PLA2G2D: variants seen among roughly 807,000 people sequenced by gnomAD.
PLA2G2D encodes phospholipase A2 group IID, also known as group IID secretory phospholipase A2.
PLA2G2D carries 17 observed loss-of-function variants against 13.9 expected under a neutral mutation model. That is an observed-to-expected ratio of 1.23 (90% CI 0.84 to 1.84). PLA2G2D has a LOEUF of 1.84. PLA2G2D is among the 40% of genes most tolerant of loss of function. PLA2G2D has a pLI of 0.00. For missense variants in PLA2G2D, 194 were observed against 178.7 expected, an observed-to-expected ratio of 1.09 and a Z score of -0.49; for synonymous variants, 83 against 69.3, an observed-to-expected ratio of 1.20 and a Z score of -0.98.
In PLA2G2D at chr1:20,114,275, G is replaced by A. The variant is rs749634821; in HGVS notation, c.293-16C>T. The A allele has an allele frequency of 1.2e-5, 19 of 1,610,262 alleles. No homozygotes were observed. The highest frequency in any genetic ancestry group is 1.6e-5 in the Non-Finnish European group (19 of 1,177,792). On this transcript the variant is annotated splice_polypyrimidine_tract_variant and intron_variant, in intron 3 of 3. Coordinates refer to ENST00000375105, the MANE Select transcript of PLA2G2D (RefSeq NM_012400.4). ...CCCTTGTCAGCTGTGGACGGAGAAG[G>A]GGGAGCTATGTGTTTGTCCTTTTCC...
intron 2 of PLA2G2D, 71 bp downstream of exon 2, chr1:20,116,262 T>G: frequency 1.4e-6 from 2 of 1,434,380 alleles, no homozygotes; most frequent in Non-Finnish European, 2.0e-6. Context: ...AATGAACAGG[T>G]GGGTGGAGAG....
At chr1:20,115,408 A>T in intron 3 of PLA2G2D, 99 bp downstream of exon 3, 1 of 773,168 alleles carries the variant, frequency 1.3e-6, no homozygotes, top group South Asian at 1.5e-5. Context: ...CCATGCAAAA[A>T]AAAAACAGAG....
chr1:20,114,987 C>A (rs2016955633), intron 3 of PLA2G2D, among the ~76,000 whole-genome samples: 1 of 152,112 alleles, frequency 6.6e-6, no homozygotes, highest in South Asian at 2.1e-4. Flanking sequence ...GGGCCAGGTG[C>A]CCTGGGTTCC....
chr1:20,116,300 G>A, intron 2 of PLA2G2D, 33 bp downstream of exon 2: 1 of 1,608,494 alleles, frequency 6.2e-7, no homozygotes. Flanking sequence ...GTCGGGGACA[G>A]TATAGGATTG....
intron 1 of PLA2G2D, among the ~76,000 whole-genome samples, chr1:20,118,167 C>T (rs138676337): frequency 5.0e-4 from 76 of 152,274 alleles, no homozygotes; most frequent in Admixed American, 2.8e-3. Context: ...ACCAGAGCCC[C>T]GCGTTCAGAA....
At position 20,114,259 on chromosome 1, in the gene PLA2G2D, G is replaced by A; in HGVS notation, c.293C>T (p.Ser98Phe). 3 of 1,612,896 alleles carry A rather than the reference G, an allele frequency of 1.9e-6. No homozygotes were observed. Among genetic ancestry groups the A allele is most frequent in the Non-Finnish European group, 2.5e-6 (3 of 1,179,278 alleles). The change falls in exon 4 of 4, where the codon TCT (serine) becomes TTT (phenylalanine). Residue 98 changes from serine (S) to phenylalanine (F), a missense_variant and splice_region_variant. Physicochemically the swap from Ser to Phe is radical, Grantham distance 155. Transcript: ENST00000375105. The part of the protein sequence containing the change: ...YNFSQGNIHC[S>F]DKGSWCEQQL... ...CTGCTCACACCAGCTTCCCTTGTCAGCTGTGGACGGAGAAGGGGGAGCTAT... is the reference window on the plus strand; with the variant it reads ...CTGCTCACACCAGCTTCCCTTGTCAACTGTGGACGGAGAAGGGGGAGCTAT...
intron 1 of PLA2G2D, among the ~76,000 whole-genome samples, chr1:20,118,364 G>A (rs1007357540): frequency 5.9e-5 from 9 of 152,162 alleles, no homozygotes; most frequent in African/African-American, 2.2e-4. Context: ...TAATTTTAAG[G>A]TGAGGAGGAC....
At chr1:20,114,489 C>T (rs905083026) in intron 3 of PLA2G2D, among the ~76,000 whole-genome samples, 2 of 152,146 alleles carry the variant, frequency 1.3e-5, no homozygotes, top group African/African-American at 2.4e-5. Flanking sequence ...GAGCACCTAC[C>T]GTGTCACGGC....
intron 1 of PLA2G2D, among the ~76,000 whole-genome samples, chr1:20,117,496 A>G (rs1329183516): frequency 6.6e-6 from 1 of 152,230 alleles, no homozygotes; most frequent in East Asian, 1.9e-4. Flanking sequence ...TATTTCACTC[A>G]TAATAACTGC....
Position 20,113,839 on chromosome 1 carries a change from C to T in PLA2G2D, c.*275G>A. On this transcript the variant is annotated 3_prime_UTR_variant, in exon 4 of 4. Transcript: ENST00000375105. ...GTGGGGGACAGCGGCAGACCCCTCC[C>T]CCACCCCGATGCTTTGGTCCAAACA... is the stretch of plus-strand genomic sequence containing the variant. 1 of 373,232 alleles carries T rather than the reference C, an allele frequency of 2.7e-6. No homozygotes were observed. Among genetic ancestry groups the T allele is most frequent in the Non-Finnish European group, 4.8e-6 (1 of 207,008 alleles). The allele number at this position is 373,232 out of a possible 1,614,324, so 23.1% of individuals were successfully genotyped here. A position where few individuals can be genotyped will look rare whatever the true frequency, so the allele number is the denominator to read the frequency against.
chr1:20,119,357 C>T (rs1252354321), intron 1 of PLA2G2D, 102 bp downstream of exon 1: 1 of 1,042,378 alleles, frequency 9.6e-7, no homozygotes, highest in African/African-American at 1.6e-5. Context: ...GGGCCAGGCT[C>T]CTGGGGATCA....
At chr1:20,115,000 C>T (rs892016728) in intron 3 of PLA2G2D, among the ~76,000 whole-genome samples, 5 of 152,128 alleles carry the variant, frequency 3.3e-5, no homozygotes, top group Non-Finnish European at 7.3e-5. Flanking sequence ...TGGGTTCCAG[C>T]CCAGGCTCTG....
At position 20,114,193 on chromosome 1, in the gene PLA2G2D, T is replaced by A; in HGVS notation, c.359A>T (p.Lys120Met). Residue 120 changes from lysine (K) to methionine (M), a missense_variant, in exon 4 of 4, where the codon AAG becomes ATG. Lys to Met is a moderately conservative substitution (Grantham distance 95, BLOSUM62 -1). Transcript: ENST00000375105. Reference protein sequence around the residue: ...ACDKEVAFCLKRNLDTYQKRL... With the variant: ...ACDKEVAFCLMRNLDTYQKRL... ...CTTCTGGTAGGTGTCCAGGTTGCGC[T>A]TCAGGCAGAAGGCCACCTCCTTGTC... 6.2e-7 allele frequency: 1 copy of A among 1,614,064 alleles called. No homozygotes were observed. The highest frequency in any genetic ancestry group is 1.1e-5 in the South Asian group (1 of 91,082).
At chr1:20,119,399 C>T in intron 1 of PLA2G2D, 60 bp downstream of exon 1, 1 of 1,408,082 alleles carries the variant, frequency 7.1e-7, no homozygotes, top group Non-Finnish European at 1.0e-6. Context: ...GGAAAGAGAG[C>T]ACAGGGGTAC....
chr1:20,114,054 G>A lies in PLA2G2D; in HGVS notation c.*60C>T. On this transcript the variant is annotated 3_prime_UTR_variant, in exon 4 of 4. Coordinates refer to ENST00000375105, the MANE Select transcript of PLA2G2D (RefSeq NM_012400.4). ...TGAAAAGCCAGGCTGGTTCAGGTTA[G>A]ATACTGAGGTGGGGATGCCAGAGCT... 1 of 1,533,666 alleles carries A rather than the reference G, an allele frequency of 6.5e-7. No individual in the cohort carries two copies.
Position 20,113,184 on chromosome 1 carries a change from AG to A in PLA2G2D, c.*929del. The A allele has an allele frequency of 6.6e-6, 1 of 152,386 alleles. No homozygotes were observed. The highest frequency in any genetic ancestry group is 2.1e-4 in the South Asian group (1 of 4,842). 9.4% of individuals were successfully genotyped at this position (152,386 alleles called of 1,614,324 possible). A position where few individuals can be genotyped will look rare whatever the true frequency, so the allele number is the denominator to read the frequency against. ...ATGGTCTCCATCCTTCGGGGGCTCC[AG>A]TCTAGTTGGGGGAGATCAGAGAAGT... is the stretch of plus-strand genomic sequence containing the variant. On this transcript the variant is annotated 3_prime_UTR_variant, in exon 4 of 4. Transcript: ENST00000375105.
chr1:20,116,501 G>A lies in PLA2G2D; in HGVS notation c.41-24C>T, dbSNP rs145266989. On this transcript the variant is annotated intron_variant, in intron 1 of 3. Coordinates refer to ENST00000375105, the MANE Select transcript of PLA2G2D (RefSeq NM_012400.4). ...ACCTGCCAAGCAGCCCAGCAACCAG[G>A]AGAGAAGAGGAGATGAATTTCAGGG... 4.3e-6 allele frequency: 7 copies of A among 1,613,866 alleles called. No individual in the cohort carries two copies. The African/African-American group carries it at 8.0e-5, about 18-fold the overall frequency.
intron 1 of PLA2G2D, 71 bp from the exon 2 acceptor site, chr1:20,116,548 G>A (rs958877552): frequency 2.6e-5 from 38 of 1,460,270 alleles, no homozygotes; most frequent in African/African-American, 6.9e-5. Context: ...GGCACAGGAC[G>A]GCACCTCTGC....
chr1:20,115,267 C>G (rs1003302589), intron 3 of PLA2G2D, among the ~76,000 whole-genome samples: 2 of 152,248 alleles, frequency 1.3e-5, no homozygotes, highest in Middle Eastern at 3.4e-3. Context: ...AGAGGTTAAG[C>G]AATGTGGTCA....
Sources: allele counts gnomAD v4.1 joint callset (sites outside exome capture counted in the v4.1 genomes callset), GRCh38; gene constraint gnomAD v4.1.1; transcripts MANE v1.5; gene names NCBI Gene and HGNC (gene_info 2026-07-23, HGNC 2026-07-21).